Variants in AS3MT observed in about 807,000 individuals in gnomAD.
AS3MT encodes arsenite methyltransferase.
AS3MT carries 47 observed loss-of-function variants against 45.3 expected under a neutral mutation model. That is an observed-to-expected ratio of 1.04 (90% CI 0.82 to 1.32). The LOEUF (loss-of-function observed/expected upper bound fraction) is 1.32. Among genes scored for constraint, AS3MT ranks in the 40% most tolerant of loss-of-function variants. The probability of loss-of-function intolerance (pLI) is 0.00; values close to 1 mark genes in which losing one functional copy is unlikely to be tolerated. For missense variants in AS3MT, 396 were observed against 451.1 expected (o/e 0.88, Z 1.11); for synonymous variants, 141 against 152.8 (o/e 0.92, Z 0.57).
chr10:102,895,412 C>A (rs954102547), intron 10 of AS3MT, among the ~76,000 whole-genome samples: 6 of 151,898 alleles, frequency 4.0e-5, no homozygotes, highest in Non-Finnish European at 7.4e-5. Flanking sequence ...TGTTGGCCAG[C>A]CTGGTCTCGA....
chr10:102,886,658 C>T (rs1844963198), intron 9 of AS3MT, among the ~76,000 whole-genome samples: 1 of 152,090 alleles, frequency 6.6e-6, no homozygotes, highest in South Asian at 2.1e-4. Flanking sequence ...GGGTCTCACT[C>T]TGTCACCTGG....
chr10:102,894,434 A>T (rs927032828), intron 10 of AS3MT, among the ~76,000 whole-genome samples: 4 of 132,588 alleles, frequency 3.0e-5, no homozygotes, highest in African/African-American at 1.1e-4. Context: ...AAAAATAAAA[A>T]AAAATAAAAA....
chr10:102,873,868 A>C (rs1301888847), intron 5 of AS3MT, among the ~76,000 whole-genome samples: 2 of 152,110 alleles, frequency 1.3e-5, no homozygotes, highest in Non-Finnish European at 2.9e-5. Context: ...ATAGGATTCT[A>C]TTTCCTTTTT....
chr10:102,876,898 G>T (rs3740393), intron 6 of AS3MT, 56 bp from the exon 7 acceptor site: 1 of 1,521,370 alleles, frequency 6.6e-7, no homozygotes, highest in Non-Finnish European at 9.1e-7. Flanking sequence ...TCTTTGTTAT[G>T]TGGGGTCAAT....
At chr10:102,890,123 C>G (rs7101086) in intron 9 of AS3MT, among the ~76,000 whole-genome samples, 30,883 of 151,610 alleles carry the variant, frequency 0.2, 3,262 homozygotes, top group Non-Finnish European at 0.22. Context: ...GCCTCAGCCT[C>G]CCAAGTAGCT....
At position 102,881,278 on chromosome 10, in the gene AS3MT, A is replaced by G. The variant is rs7907785; in HGVS notation, c.885+2287A>G. 0.027 allele frequency among the ~76,000 whole-genome samples: 4,134 copies of G among 152,282 alleles called. 194 individuals are homozygous for G. Among genetic ancestry groups the G allele is most frequent in the African/African-American group, 0.093 (3,868 of 41,556 alleles). Reference sequence around the variant, plus strand: ...TTTGGATCAAAGTTTATAGAACACTACTTAATGGAAACTAGTGGAAATGGC... The same window carrying G: ...TTTGGATCAAAGTTTATAGAACACTGCTTAATGGAAACTAGTGGAAATGGC... On this transcript the variant is annotated intron_variant, in intron 9 of 10. Coordinates refer to ENST00000369880, the MANE Select transcript of AS3MT (RefSeq NM_020682.4). This position sits in a 1 kb window ranked among gnomAD's most constrained non-coding sequence, Gnocchi z 4.2.
Position 102,888,872 on chromosome 10 carries a change from TATATATA to T in AS3MT, c.886-1671_886-1665del, listed in dbSNP as rs1340937402. Among the ~76,000 whole-genome samples, 38 of 77,450 alleles carry T rather than the reference TATATATA, an allele frequency of 4.9e-4. 1 individual carries two copies. Among genetic ancestry groups the T allele is most frequent in the African/African-American group, 6.6e-4 (14 of 21,154 alleles). The allele number at this position is 77,450 out of a possible 152,430, so 50.8% of individuals were successfully genotyped here. A position where few individuals can be genotyped will look rare whatever the true frequency, so the allele number is the denominator to read the frequency against. The stretch of plus-strand genomic sequence containing the variant: ...AACCCTATATATATATATATATATA[TATATATA>T]TATTTTTTTTTTTTTTTTTGAGACG... On this transcript the variant is annotated intron_variant, in intron 9 of 10. Transcript: ENST00000369880.
chr10:102,889,391 C>G (rs1452373620), intron 9 of AS3MT, among the ~76,000 whole-genome samples: 1 of 152,108 alleles, frequency 6.6e-6, no homozygotes, highest in Non-Finnish European at 1.5e-5. Flanking sequence ...TTCCATGCAT[C>G]TTGCTGCAAA....
At chr10:102,874,253 C>T (rs1261517585) in intron 5 of AS3MT, among the ~76,000 whole-genome samples, 3 of 147,148 alleles carry the variant, frequency 2.0e-5, no homozygotes, top group East Asian at 2.0e-4. Flanking sequence ...AACATCCTCT[C>T]GGGAAAAAAA....
intron 10 of AS3MT, among the ~76,000 whole-genome samples, chr10:102,892,996 A>ATAAG (rs1449551402): frequency 2.1e-5 from 3 of 143,814 alleles, no homozygotes; most frequent in Non-Finnish European, 4.5e-5. Flanking sequence ...AAATAAATAA[A>ATAAG]TAAATAAATA....
rs199951226 is a variant in AS3MT, at chr10:102,883,105, G to GTTTT, written c.885+4124_885+4127dup. ...AATGTTTTATATATATATATATATG[G>GTTTT]TTTTTTTTTTTTTGAGATGGAGTCT... On this transcript the variant is annotated intron_variant, in intron 9 of 10. Transcript: ENST00000369880. 3.4e-4 allele frequency among the ~76,000 whole-genome samples: 47 copies of GTTTT among 140,242 alleles called. 1 individual carries two copies. The highest frequency in any genetic ancestry group is 4.2e-4 in the Non-Finnish European group (27 of 64,632). 92.0% of individuals were successfully genotyped at this position (140,242 alleles called of 152,430 possible). A position where few individuals can be genotyped will look rare whatever the true frequency, so the allele number is the denominator to read the frequency against.
At chr10:102,888,814 T>C (rs1845002236) in intron 9 of AS3MT, among the ~76,000 whole-genome samples, 2 of 149,160 alleles carry the variant, frequency 1.3e-5, no homozygotes, top group South Asian at 4.2e-4. Context: ...ACTTTACTGA[T>C]ATATCAAACA....
At chr10:102,871,906 G>GACA in intron 3 of AS3MT, among the ~76,000 whole-genome samples, 1 of 151,316 alleles carries the variant, frequency 6.6e-6, no homozygotes, top group East Asian at 2.0e-4. Context: ...TTTTTGAGAC[G>GACA]GAGTCTCACT....
chr10:102,879,215 A>T (rs1470472728), intron 9 of AS3MT, among the ~76,000 whole-genome samples: 1 of 152,162 alleles, frequency 6.6e-6, no homozygotes, highest in Admixed American at 6.6e-5. Context: ...GCTGGAGTGC[A>T]GTAGCACAAT....
chr10:102,887,886 A>G (rs1401068694), intron 9 of AS3MT: 1 of 153,054 alleles, frequency 6.5e-6, no homozygotes, highest in Non-Finnish European at 1.5e-5. Context: ...ATCTGGAATT[A>G]ACGTCATTCA....
chr10:102,896,891 G>A (rs982787245), intron 10 of AS3MT, among the ~76,000 whole-genome samples: 2 of 151,840 alleles, frequency 1.3e-5, no homozygotes, highest in South Asian at 2.1e-4. Flanking sequence ...TCTGTTGTTC[G>A]AAGAAGGTGA....
chr10:102,888,881 A>ATATTTTT (rs1491503446), intron 9 of AS3MT, among the ~76,000 whole-genome samples: 7 of 52,522 alleles, frequency 1.3e-4, no homozygotes, highest in Admixed American at 2.9e-4. Context: ...ATATATATAT[A>ATATTTTT]TTTTTTTTTT....
At chr10:102,899,995 C>T (rs577063712) in intron 10 of AS3MT, among the ~76,000 whole-genome samples, 1 of 152,206 alleles carries the variant, frequency 6.6e-6, no homozygotes, top group African/African-American at 2.4e-5. Flanking sequence ...TATCTTTGTA[C>T]TTGGCTTTTC....
In AS3MT at chr10:102,874,731, C is replaced by T. The variant is rs369201411; in HGVS notation, c.528+70C>T. 1.4e-4 allele frequency: 156 copies of T among 1,136,592 alleles called. 2 individuals carry two copies. The Middle Eastern group carries it at 2.5e-3, about 18-fold the overall frequency. 70.4% of individuals were successfully genotyped at this position (1,136,592 alleles called of 1,614,324 possible). ...GCTGATGGGTTAAGTCTTGTTTGTTCCCCCTTGAACTAAGAGCTCAAACTC... is the reference window on the plus strand; with the variant it reads ...GCTGATGGGTTAAGTCTTGTTTGTTTCCCCTTGAACTAAGAGCTCAAACTC... On this transcript the variant is annotated intron_variant, in intron 6 of 10. Transcript: ENST00000369880.
Sources: allele counts gnomAD v4.1 joint callset (sites outside exome capture counted in the v4.1 genomes callset), GRCh38; gene constraint gnomAD v4.1.1; non-coding constraint Gnocchi (gnomAD v3.1); transcripts MANE v1.5; gene names NCBI Gene and HGNC (gene_info 2026-07-23, HGNC 2026-07-21).